AK9: variants seen among roughly 807,000 people sequenced by gnomAD.
AK9 encodes adenylate kinase 9, also known as adenylate kinase domain containing 1.
AK9 carries 191 observed loss-of-function variants against 239.6 expected under a neutral mutation model. The ratio of observed to expected loss-of-function variants is 0.80; its 90% confidence interval spans 0.71 to 0.90. AK9 has a LOEUF of 0.90. Among genes scored for constraint, AK9 ranks in the 40% least tolerant of loss-of-function variants. The pLI, the probability that AK9 is intolerant of heterozygous loss-of-function variation, is 0.00. For synonymous variants in AK9, 689 were observed against 721.0 expected (o/e 0.96, Z 0.71); for missense variants, 1,995 against 2,214.7 (o/e 0.90, Z 1.99).
chr6:109,618,124 G>A (rs950371396), intron 13 of AK9, among the ~76,000 whole-genome samples: 7 of 152,306 alleles, frequency 4.6e-5, no homozygotes, highest in African/African-American at 1.7e-4. Flanking sequence ...GATGGCCACA[G>A]AGTGCACTGC....
intron 29 of AK9, among the ~76,000 whole-genome samples, chr6:109,520,946 G>T (rs933850386): frequency 2.6e-5 from 4 of 152,016 alleles, no homozygotes; most frequent in African/African-American, 9.7e-5. Context: ...TTTGTGCATT[G>T]ATTTTTGTAT....
intron 13 of AK9, 58 bp from the exon 14 acceptor site, chr6:109,614,538 A>G (rs1793939130): frequency 9.4e-6 from 13 of 1,388,296 alleles, no homozygotes; most frequent in East Asian, 7.5e-5. Flanking sequence ...AAAAACAGGT[A>G]GAGTGACCAA....
chr6:109,668,225 T>G (rs1801537596), intron 5 of AK9, among the ~76,000 whole-genome samples: 1 of 152,140 alleles, frequency 6.6e-6, no homozygotes, highest in South Asian at 2.1e-4. Flanking sequence ...GTTCATATCC[T>G]TTGCCCACTT....
At position 109,684,730 on chromosome 6, in the gene AK9, C is replaced by T. The variant is rs372214100; in HGVS notation, c.-12+6417G>A. On this transcript the variant is annotated intron_variant, in intron 1 of 40. Transcript: ENST00000424296. The stretch of plus-strand genomic sequence containing the variant: ...TCTACTAAAAATACAAAAAATTAGC[C>T]GGGCGTAGTGGCGGGCGCCTGTAGT... Among the ~76,000 whole-genome samples the T allele has an allele frequency of 4.0e-3, 554 of 140,184 alleles. 1 individual carries two copies. The highest frequency in any genetic ancestry group is 0.015 in the African/African-American group (513 of 34,826). 92.0% of individuals were successfully genotyped at this position (140,184 alleles called of 152,430 possible). A position where few individuals can be genotyped will look rare whatever the true frequency, so the allele number is the denominator to read the frequency against.
intron 1 of AK9, among the ~76,000 whole-genome samples, chr6:109,685,246 T>C (rs140584046): frequency 8.9e-4 from 135 of 152,284 alleles, no homozygotes; most frequent in African/African-American, 3.2e-3. Flanking sequence ...CCCAAAGGAT[T>C]AGAAATCATT....
chr6:109,586,179 C>A, intron 17 of AK9, 107 bp from the exon 18 acceptor site: 1 of 968,152 alleles, frequency 1.0e-6, no homozygotes. Flanking sequence ...TTGAGTTCTT[C>A]TTTCAAAAGG....
In AK9 at chr6:109,506,753, A is replaced by G. The variant is rs1289160682; in HGVS notation, c.4529T>C (p.Leu1510Ser). The change falls in exon 34 of 41, where the codon TTG becomes TCG. Residue 1510 changes from leucine (L) to serine (S), a missense_variant. Physicochemically the swap from Leu to Ser is moderately radical, Grantham distance 145. Transcript: ENST00000424296. Reference sequence around the variant, plus strand: ...CATGGGAATGATTGACCTAGCTTCCAAGAGATTCATTTGATGTTTAGTTAC... The same window carrying G: ...CATGGGAATGATTGACCTAGCTTCCGAGAGATTCATTTGATGTTTAGTTAC... ...YPVTKHQMNLLEARSIIPMVI... is the reference protein window; with the variant it reads ...YPVTKHQMNLSEARSIIPMVI... The G allele has an allele frequency of 6.6e-7, 1 of 1,525,932 alleles. No homozygotes were observed. Among genetic ancestry groups the G allele is most frequent in the Admixed American group, 2.0e-5 (1 of 49,306 alleles). 94.5% of individuals were successfully genotyped at this position (1,525,932 alleles called of 1,614,324 possible). A position where few individuals can be genotyped will look rare whatever the true frequency, so the allele number is the denominator to read the frequency against.
intron 8 of AK9, among the ~76,000 whole-genome samples, chr6:109,652,190 A>G (rs1799063749): frequency 6.6e-6 from 1 of 152,244 alleles, no homozygotes; most frequent in Admixed American, 6.5e-5. Flanking sequence ...ACAGCACATC[A>G]AAAAGCTTAT....
chr6:109,578,947 T>G lies in AK9; in HGVS notation c.2191+603A>C, dbSNP rs74984654. On this transcript the variant is annotated intron_variant, in intron 20 of 40. Coordinates refer to ENST00000424296, the MANE Select transcript of AK9 (RefSeq NM_001145128.3). ...CGCTGAGACCTGTTTTGTGGCCTAT[T>G]ATGTGATCTATCTTGGAGGATATTC... Among the ~76,000 whole-genome samples, 513 of 152,330 alleles carry G rather than the reference T, an allele frequency of 3.4e-3. 25 individuals carry two copies. In the East Asian group the frequency reaches 0.092, roughly 27 times the overall value.
chr6:109,497,508 T>C lies in AK9; in HGVS notation c.5272A>G (p.Ile1758Val), dbSNP rs1340709096. 1 of 1,609,480 alleles carries C rather than the reference T, an allele frequency of 6.2e-7. No homozygotes were observed. Among genetic ancestry groups the C allele is most frequent in the Admixed American group, 1.7e-5 (1 of 59,966 alleles). Residue 1758 changes from isoleucine (I) to valine (V), a missense_variant, in exon 38 of 41, where the codon ATA becomes GTA. This residue lies in a region of AK9 where 391 missense variants were observed against 456.0 expected (regional missense o/e 0.86). Coordinates refer to ENST00000424296, the MANE Select transcript of AK9 (RefSeq NM_001145128.3). ...TTTTCTTTGTTCTCACAAATATATA[T>C]ACGATTATGATATTCTAAAGCATAG... The part of the protein sequence containing the change: ...INYALEYHNR[I>V]YICENKEKLQ...
chr6:109,496,401 G>A (rs965895279), intron 38 of AK9, among the ~76,000 whole-genome samples: 2 of 152,198 alleles, frequency 1.3e-5, no homozygotes, highest in Non-Finnish European at 2.9e-5. Flanking sequence ...ACAGGCAAGA[G>A]CTCAGTTTCC....
At chr6:109,612,944 A>G (rs1793746370) in intron 15 of AK9, among the ~76,000 whole-genome samples, 1 of 149,100 alleles carries the variant, frequency 6.7e-6, no homozygotes, top group Non-Finnish European at 1.5e-5. Flanking sequence ...GCTATTATTT[A>G]TATGTGTCCT....
chr6:109,614,308 GAAT>G lies in AK9; in HGVS notation c.1496-15_1496-13del. ...GCCTTGAATGTACCCTGCAATGAAA[GAAT>G]AATATACTTTATCAGCTAATCTATT... On this transcript the variant is annotated splice_polypyrimidine_tract_variant and intron_variant, in intron 14 of 40. Coordinates refer to ENST00000424296, the MANE Select transcript of AK9 (RefSeq NM_001145128.3). 3 of 1,550,512 alleles carry G rather than the reference GAAT, an allele frequency of 1.9e-6. No homozygotes were observed. The highest frequency in any genetic ancestry group is 1.7e-4 in the Middle Eastern group (1 of 5,986).
intron 17 of AK9, among the ~76,000 whole-genome samples, chr6:109,604,085 C>T (rs925228295): frequency 2.6e-5 from 4 of 151,844 alleles, no homozygotes; most frequent in Non-Finnish European, 5.9e-5. Context: ...TATCCTGCAC[C>T]CACTGTCCGA....
At chr6:109,612,820 A>G (rs1293636951) in intron 15 of AK9, among the ~76,000 whole-genome samples, 1 of 151,896 alleles carries the variant, frequency 6.6e-6, no homozygotes, top group Non-Finnish European at 1.5e-5. Flanking sequence ...AATAAATGAT[A>G]GATGCACTTT....
intron 12 of AK9, among the ~76,000 whole-genome samples, chr6:109,622,083 G>A (rs942345170): frequency 1.4e-5 from 2 of 144,890 alleles, no homozygotes; most frequent in Non-Finnish European, 3.0e-5. Context: ...ATCTATATAT[G>A]TGTATTATAT....
intron 24 of AK9, among the ~76,000 whole-genome samples, chr6:109,551,870 G>C (rs1317431038): frequency 1.3e-5 from 2 of 151,240 alleles, no homozygotes; most frequent in Non-Finnish European, 1.5e-5. Flanking sequence ...CATCCTCTAC[G>C]TTCCTTCCTC....
At chr6:109,572,441 T>C (rs1283907347) in intron 21 of AK9, among the ~76,000 whole-genome samples, 2 of 152,170 alleles carry the variant, frequency 1.3e-5, no homozygotes, top group Non-Finnish European at 2.9e-5. Context: ...AGAGGAGACA[T>C]TGTGTCTGGA....
chr6:109,623,135 T>TTATCTGCA (rs1276999338), intron 12 of AK9, among the ~76,000 whole-genome samples: 3 of 152,180 alleles, frequency 2.0e-5, no homozygotes, highest in Admixed American at 6.6e-5. Flanking sequence ...TATTGAAGCT[T>TTATCTGCA]TATCTGCATA....
Sources: allele counts gnomAD v4.1 joint callset (sites outside exome capture counted in the v4.1 genomes callset), GRCh38; gene constraint gnomAD v4.1.1; regional missense constraint gnomAD v4.1.1; transcripts MANE v1.5; gene names NCBI Gene and HGNC (gene_info 2026-07-23, HGNC 2026-07-21).